Variants in LGI4 observed in about 807,000 individuals in gnomAD.
LGI4 encodes leucine rich repeat LGI family member 4, also known as leucine-rich repeat LGI family member 4.
In LGI4, 36 loss-of-function variants were observed where a neutral mutation model predicts 48.3. The observed-to-expected ratio is 0.75, with a 90% CI of 0.57 to 0.98. LGI4 has a LOEUF of 0.98. LGI4 is among the 50% of genes least tolerant of loss of function. LGI4 has a pLI of 0.00. For missense variants in LGI4, 701 were observed against 732.1 expected (o/e 0.96, Z 0.49); for synonymous variants, 355 against 331.6 (o/e 1.07, Z -0.77).
intron 1 of LGI4, 133 bp from the exon 2 acceptor site, chr19:35,134,237 G>A (rs1266710744): frequency 2.3e-6 from 2 of 873,868 alleles, no homozygotes; most frequent in Non-Finnish European, 1.8e-6. Context: ...CATGCCAGAG[G>A]AGGCAGGCAT....
chr19:35,132,167 GCCTCTCAAAAACCTCT>G lies in LGI4; in HGVS notation c.315-141_315-126del. On this transcript the variant is annotated intron_variant, in intron 3 of 8. Coordinates refer to ENST00000310123, the MANE Select transcript of LGI4 (RefSeq NM_139284.3). ...AATACCACGGACAATCCCAGGGAAA[GCCTCTCAAAAACCTCT>G]CCTCCCAAAGTCCCAGCCATCAATT... The G allele has an allele frequency of 3.6e-6, 3 of 830,062 alleles. No homozygotes were observed. The South Asian group carries it at 4.6e-5, about 13-fold the overall frequency. 51.4% of individuals were successfully genotyped at this position (830,062 alleles called of 1,614,324 possible). A position where few individuals can be genotyped will look rare whatever the true frequency, so the allele number is the denominator to read the frequency against.
chr19:35,134,464 A>G (rs1231660730), intron 1 of LGI4, 47 bp downstream of exon 1: 3 of 1,547,228 alleles, frequency 1.9e-6, no homozygotes, highest in Non-Finnish European at 2.6e-6. Context: ...CTGGGGTCCC[A>G]GGACTTCCGT....
At chr19:35,129,556 G>A (rs1440791969) in intron 6 of LGI4, among the ~76,000 whole-genome samples, 3 of 152,136 alleles carry the variant, frequency 2.0e-5, no homozygotes, top group East Asian at 1.9e-4. Context: ...TATGCAGGAC[G>A]TGCTTTGTTA....
rs1317151796 is a variant in LGI4 at position 35,133,272 on chromosome 19, A to G, written c.314+421T>C. 1.4e-5 allele frequency: 13 copies of G among 958,756 alleles called. 1 individual carries two copies. Among genetic ancestry groups the G allele is most frequent in the Middle Eastern group, 9.8e-4 (2 of 2,036 alleles). The allele number at this position is 958,756 out of a possible 1,614,324, so 59.4% of individuals were successfully genotyped here. ...CTGCCACCATCACCACCACTACCCA[A>G]TCGTCAGCACCACCCTCAACACCAC... On this transcript the variant is annotated intron_variant, in intron 3 of 8. Transcript: ENST00000310123.
In LGI4 at chr19:35,134,028, C is replaced by T; in HGVS notation, c.242+5G>A. ...TGGTTGTCGGCCCAGCCAGGCCCCA[C>T]TCACAGCAGGTGCAGAGACGGAATT... On this transcript the variant is annotated splice_donor_5th_base_variant and intron_variant, in intron 2 of 8. Transcript: ENST00000310123. 6.4e-7 allele frequency: 1 copy of T among 1,558,166 alleles called. No homozygotes were observed. The highest frequency in any genetic ancestry group is 8.7e-7 in the Non-Finnish European group (1 of 1,150,422).
At chr19:35,133,260 C>G (rs1244085237) in intron 3 of LGI4, 17 of 850,120 alleles carry the variant, frequency 2.0e-5, no homozygotes, top group Non-Finnish European at 2.3e-5. Context: ...CCACCATCAC[C>G]ACCACTACCC....
chr19:35,131,977 G>A lies in LGI4; in HGVS notation c.380C>T (p.Thr127Ile). ...KNALRGLRSL[T>I]HLSLANNHLE... ...GGGCGGTGGAGGCACGCACAGGTGT[G>A]TAAGCGAGCGAAGTCCTCTGAGGGC... Residue 127 changes from threonine (T) to isoleucine (I), a missense_variant, in exon 4 of 9, where the codon ACA (threonine) becomes ATA (isoleucine). Around this residue, in one of 3 missense-constraint regions of LGI4, gnomAD observed 462 missense variants for 436.4 expected, o/e 1.06. Transcript: ENST00000310123. The A allele has an allele frequency of 6.3e-7, 1 of 1,588,716 alleles. No homozygotes were observed. The highest frequency in any genetic ancestry group is 8.6e-7 in the Non-Finnish European group (1 of 1,167,144).
Position 35,126,782 on chromosome 19 carries a change from G to T in LGI4, c.794-7C>A. On this transcript the variant is annotated splice_region_variant and splice_polypyrimidine_tract_variant and intron_variant, in intron 7 of 8. Transcript: ENST00000310123. The stretch of plus-strand genomic sequence containing the variant: ...CAGGACACCACGGAGGCCGCTGTGG[G>T]GAGGTGGGGAGGCAGGTCAGGCCAG... The T allele has an allele frequency of 6.4e-7, 1 of 1,562,878 alleles. No homozygotes were observed.
chr19:35,126,244 C>T (rs2065135135), intron 8 of LGI4, 26 bp downstream of exon 8: 5 of 1,603,594 alleles, frequency 3.1e-6, no homozygotes, highest in Admixed American at 1.7e-5. Context: ...GAAAAGCCAG[C>T]CCCCCGCCCC....
At position 35,124,767 on chromosome 19, in the gene LGI4, T is replaced by G; in HGVS notation, c.*426A>C. On this transcript the variant is annotated 3_prime_UTR_variant, in exon 9 of 9. Coordinates refer to ENST00000310123, the MANE Select transcript of LGI4 (RefSeq NM_139284.3). ...CAGGAAAGCGATTGGCTGCGTGGAG[T>G]TTAGAATGGGAAAGGAATGCCATCA... 1 of 157,680 alleles carries G rather than the reference T, an allele frequency of 6.3e-6. No individual in the cohort carries two copies. The highest frequency in any genetic ancestry group is 1.4e-5 in the Non-Finnish European group (1 of 72,070). 9.8% of individuals were successfully genotyped at this position (157,680 alleles called of 1,614,324 possible).
At chr19:35,131,360 C>T (rs1331684040) in intron 6 of LGI4, 26 bp downstream of exon 6, 9 of 1,550,076 alleles carry the variant, frequency 5.8e-6, no homozygotes, top group Non-Finnish European at 7.9e-6. Flanking sequence ...TCTCCCGCCT[C>T]CCACCCCATC....
chr19:35,130,136 TC>T (rs1415122376), intron 6 of LGI4, among the ~76,000 whole-genome samples: 2 of 151,910 alleles, frequency 1.3e-5, no homozygotes, highest in Non-Finnish European at 2.9e-5. Context: ...TCCTGCCACA[TC>T]CCCCTCGCTG....
In LGI4 at chr19:35,132,439, C is replaced by T. The variant is rs144418396; in HGVS notation, c.315-397G>A. ...TTATCCCCAACACCATACCCTGCCA[C>T]CACCATCACCACCACCAGTGCTAGC... On this transcript the variant is annotated intron_variant, in intron 3 of 8. Coordinates refer to ENST00000310123, the MANE Select transcript of LGI4 (RefSeq NM_139284.3). Among the ~76,000 whole-genome samples, 7 of 152,022 alleles carry T rather than the reference C, an allele frequency of 4.6e-5. No homozygotes were observed. In the East Asian group the frequency reaches 1.4e-3, roughly 29 times the overall value.
At position 35,125,412 on chromosome 19, in the gene LGI4, C is replaced by T. The variant is rs12610234; in HGVS notation, c.1395G>A (p.Gln465=). 0.36 allele frequency: 581,397 copies of T among 1,608,378 alleles called. 107,999 individuals carry two copies. The highest frequency in any genetic ancestry group is 0.56 in the South Asian group (50,632 of 90,626). ...VFQPLLIARD[Q]LAILGSDFAF... Reference sequence around the variant, plus strand: ...CGAAGTCGCTGCCTAGGATGGCCAGCTGGTCCCTGGCGATGAGCAGTGGCT... The same window carrying T: ...CGAAGTCGCTGCCTAGGATGGCCAGTTGGTCCCTGGCGATGAGCAGTGGCT... Residue 465 remains glutamine (Q), a synonymous_variant, in exon 9 of 9, where the codon CAG becomes CAA. Coordinates refer to ENST00000310123, the MANE Select transcript of LGI4 (RefSeq NM_139284.3).
intron 3 of LGI4, chr19:35,133,336 C>T: frequency 9.0e-7 from 1 of 1,114,958 alleles, no homozygotes; most frequent in Non-Finnish European, 1.1e-6. Flanking sequence ...GAGTTGTTTC[C>T]TGGTCATTTG....
chr19:35,127,028 A>G lies in LGI4; in HGVS notation c.629-11T>C, dbSNP rs1220507216. ...GGAACCAGGACAGCTCTGTGGGTGG[A>G]GAAGAGAGTCAGGCAGGCCCCAGGA... On this transcript the variant is annotated splice_polypyrimidine_tract_variant and intron_variant, in intron 6 of 8. Coordinates refer to ENST00000310123, the MANE Select transcript of LGI4 (RefSeq NM_139284.3). 2 of 1,572,440 alleles carry G rather than the reference A, an allele frequency of 1.3e-6. No homozygotes were observed. The highest frequency in any genetic ancestry group is 2.7e-5 in the African/African-American group (2 of 74,270).
chr19:35,126,275 A>G lies in LGI4; in HGVS notation c.1294T>C (p.Ser432Pro), dbSNP rs777361222. ...FLCLTRYIGD[S>P]MVMRWDGSMF... is the part of the protein sequence containing the mutation. Reference sequence around the variant, plus strand: ...GCCCCCAGGCCCAGCCTCACCATGGAGTCCCCAATGTAGCGTGTGAGGCAC... The same window carrying G: ...GCCCCCAGGCCCAGCCTCACCATGGGGTCCCCAATGTAGCGTGTGAGGCAC... The change falls in exon 8 of 9, where the codon TCC becomes CCC. Residue 432 changes from serine (S) to proline (P), a missense_variant. Coordinates refer to ENST00000310123, the MANE Select transcript of LGI4 (RefSeq NM_139284.3). 3 of 1,611,630 alleles carry G rather than the reference A, an allele frequency of 1.9e-6. No homozygotes were observed. The African/African-American group carries it at 4.0e-5, about 22-fold the overall frequency.
Position 35,131,549 on chromosome 19 carries a change from G to A in LGI4, c.465C>T (p.Leu155=), listed in dbSNP as rs2065175041. The A allele has an allele frequency of 1.3e-6, 2 of 1,550,534 alleles. No individual in the cohort carries two copies. Among genetic ancestry groups the A allele is most frequent in the Non-Finnish European group, 1.7e-6 (2 of 1,146,658 alleles). Residue 155 remains leucine, a synonymous_variant, in exon 6 of 9, where the codon CTC becomes CTT. Transcript: ENST00000310123. The part of the protein sequence containing the change: ...RGLDTLTHVD[L]RGNPFQCDCR... The stretch of plus-strand genomic sequence containing the variant: ...AGTCACACTGGAACGGGTTCCCGCG[G>A]AGGTCCCTGGGGCAAGAGGCCAGGG...
In LGI4 at chr19:35,126,498, G is replaced by A; in HGVS notation, c.1071C>T (p.Ser357=). 1 of 1,555,086 alleles carries A rather than the reference G, an allele frequency of 6.4e-7. No homozygotes were observed. Among genetic ancestry groups the A allele is most frequent in the Non-Finnish European group, 8.7e-7 (1 of 1,154,718 alleles). The part of the protein sequence containing the change: ...RDGPGFYPHQ[S]LHAWHRDTDA... ...CCGTGTCCCGGTGCCAGGCGTGCAG[G>A]CTCTGGTGCGGGTAAAAGCCGGGCC... is the stretch of plus-strand genomic sequence containing the variant. Residue 357 remains serine, a synonymous_variant, in exon 8 of 9, where the codon AGC becomes AGT. Transcript: ENST00000310123.
Sources: allele counts gnomAD v4.1 joint callset (sites outside exome capture counted in the v4.1 genomes callset), GRCh38; gene constraint gnomAD v4.1.1; regional missense constraint gnomAD v4.1.1; transcripts MANE v1.5; gene names NCBI Gene and HGNC (gene_info 2026-07-23, HGNC 2026-07-21).